The following VASP variants were observed in gnomAD, a reference collection of about 807,000 sequenced individuals.
The protein encoded by VASP is vasodilator-stimulated phosphoprotein.
VASP carries 27 observed loss-of-function variants against 54.4 expected under a neutral mutation model. The ratio of observed to expected loss-of-function variants is 0.50; its 90% CI spans 0.37 to 0.68. The LOEUF (loss-of-function observed/expected upper bound fraction) is 0.68, where lower values mean the gene tolerates loss of function less well. Ranked by LOEUF, VASP falls within the 30% of genes least tolerant of loss-of-function variation. VASP has a pLI of 0.00. For missense variants in VASP, 488 were observed against 528.3 expected, an observed-to-expected ratio of 0.92 and a Z score of 0.75; for synonymous variants, 233 against 209.8, an observed-to-expected ratio of 1.11 and a Z score of -0.96.
At chr19:45,522,291 G>C in intron 5 of VASP, 49 bp from the exon 6 acceptor site, 1 of 1,613,968 alleles carries the variant, frequency 6.2e-7, no homozygotes, top group Non-Finnish European at 8.5e-7. Flanking sequence ...GGACAGTGAA[G>C]AATGAGGCTT....
Position 45,517,972 on chromosome 19 carries a change from A to G in VASP, c.221A>G (p.Gln74Arg). The G allele has an allele frequency of 6.2e-7, 1 of 1,610,470 alleles. No homozygotes were observed. ...CAIVRGVKYN[Q>R]ATPNFHQWRD... Reference sequence around the variant, plus strand: ...ATCGTCCGGGGTGTCAAGTATAACCAGGCCACCCCCAACTTCCATCAGTGG... The same window carrying G: ...ATCGTCCGGGGTGTCAAGTATAACCGGGCCACCCCCAACTTCCATCAGTGG... The change falls in exon 3 of 13, where the codon CAG (glutamine) becomes CGG (arginine). Residue 74 changes from glutamine (Q) to arginine (R), a missense_variant. Transcript: ENST00000245932.
At chr19:45,516,836 T>C (rs968510894) in intron 1 of VASP, among the ~76,000 whole-genome samples, 1 of 151,586 alleles carries the variant, frequency 6.6e-6, no homozygotes, top group Non-Finnish European at 1.5e-5. Context: ...TCGTCTCTAC[T>C]AAAAATACAA....
At chr19:45,510,509 A>G (rs1411896017) in intron 1 of VASP, among the ~76,000 whole-genome samples, 3 of 152,254 alleles carry the variant, frequency 2.0e-5, no homozygotes, top group Admixed American at 2.0e-4. Context: ...TACAGACGTC[A>G]GCCACCACAC....
intron 1 of VASP, among the ~76,000 whole-genome samples, chr19:45,510,128 A>G (rs550717549): frequency 1.9e-3 from 282 of 152,142 alleles, no homozygotes; most frequent in African/African-American, 6.3e-3. Context: ...AATAATAGCT[A>G]TTTTTATTTT....
At chr19:45,519,460 A>AT (rs1257458286) in intron 3 of VASP, among the ~76,000 whole-genome samples, 16,751 of 140,620 alleles carry the variant, frequency 0.12, 1,015 homozygotes, top group African/African-American at 0.16. Flanking sequence ...ATCATTTCAA[A>AT]TTTTTTTTTT....
In VASP at chr19:45,507,757, G is replaced by T. The variant is rs937600964; in HGVS notation, c.-15G>T. ...CAGCCAGCCCGTGGGCGAGCCGCCC[G>T]CCCGCCGAGCAGCCATGAGGTGAGC... On this transcript the variant is annotated 5_prime_UTR_variant, in exon 1 of 13. Coordinates refer to ENST00000245932, the MANE Select transcript of VASP (RefSeq NM_003370.4). The surrounding 1 kb of genome is among the most constrained non-coding windows in gnomAD (Gnocchi z 4.4). The T allele has an allele frequency of 4.0e-6, 6 of 1,510,100 alleles. No individual in the cohort carries two copies. The highest frequency in any genetic ancestry group is 5.3e-6 in the Non-Finnish European group (6 of 1,136,490). 93.5% of individuals were successfully genotyped at this position (1,510,100 alleles called of 1,614,324 possible).
chr19:45,519,379 A>G (rs1212630261), intron 3 of VASP, among the ~76,000 whole-genome samples: 1 of 151,906 alleles, frequency 6.6e-6, no homozygotes, highest in Admixed American at 6.6e-5. Flanking sequence ...CCTGGCCTCA[A>G]GTGATCCACC....
At position 45,522,733 on chromosome 19, in the gene VASP, G is replaced by C. The variant is rs1479082472; in HGVS notation, c.736G>C (p.Gly246Arg). The change falls in exon 7 of 13, where the codon GGG becomes CGG. Residue 246 changes from glycine to arginine, a missense_variant. Coordinates refer to ENST00000245932, the MANE Select transcript of VASP (RefSeq NM_003370.4). ...RKVSKQEEASGGPTAPKAESG... is the reference protein window; with the variant it reads ...RKVSKQEEASRGPTAPKAESG... ...ATTTCTCCAGCAGGAGGAGGCCTCA[G>C]GGGGGCCCACAGCCCCCAAAGCTGA... The C allele has an allele frequency of 1.2e-6, 2 of 1,604,146 alleles. No individual in the cohort carries two copies. Among genetic ancestry groups the C allele is most frequent in the South Asian group, 2.2e-5 (2 of 89,894 alleles).
At position 45,526,214 on chromosome 19, in the gene VASP, A is replaced by C; in HGVS notation, c.*37A>C. 1 of 1,587,224 alleles carries C rather than the reference A, an allele frequency of 6.3e-7. No individual in the cohort carries two copies. Among genetic ancestry groups the C allele is most frequent in the Non-Finnish European group, 8.5e-7 (1 of 1,171,810 alleles). ...CAGAAGACCCGCTTCTCCTTTCCGC[A>C]CACCCGGCCTGTCACCCTGCTTTCC... On this transcript the variant is annotated 3_prime_UTR_variant, in exon 13 of 13. Transcript: ENST00000245932.
intron 1 of VASP, among the ~76,000 whole-genome samples, chr19:45,513,653 G>T (rs145465413): frequency 4.5e-4 from 68 of 151,742 alleles, no homozygotes; most frequent in Non-Finnish European, 8.0e-4. Flanking sequence ...TTTTTAGTAG[G>T]CATAGGGTTT....
chr19:45,510,192 T>G (rs1968572442), intron 1 of VASP, among the ~76,000 whole-genome samples: 1 of 151,736 alleles, frequency 6.6e-6, no homozygotes, highest in African/African-American at 2.4e-5. Context: ...GGCATTTTTG[T>G]GCCTGACAGC....
intron 11 of VASP, chr19:45,525,150 T>G (rs1323019574): frequency 6.3e-6 from 1 of 159,356 alleles, no homozygotes; most frequent in Non-Finnish European, 1.4e-5. Flanking sequence ...GCACGGTGGC[T>G]CATGTGTGTA....
chr19:45,512,328 G>A (rs970419758), intron 1 of VASP, among the ~76,000 whole-genome samples: 2 of 145,432 alleles, frequency 1.4e-5, no homozygotes, highest in African/African-American at 2.6e-5. Context: ...TTGCTCTGTC[G>A]CCCAGGCTGG....
chr19:45,522,633 G>A (rs2122335593), intron 6 of VASP, 52 bp downstream of exon 6: 3 of 1,535,608 alleles, frequency 2.0e-6, no homozygotes, highest in South Asian at 1.2e-5. Flanking sequence ...TATGGGGGAT[G>A]AGGCCAGGGC....
intron 1 of VASP, among the ~76,000 whole-genome samples, chr19:45,514,123 C>G (rs961384844): frequency 6.6e-6 from 1 of 152,042 alleles, no homozygotes; most frequent in Non-Finnish European, 1.5e-5. Flanking sequence ...AAGGAGAGAC[C>G]TGAAAGTGGG....
chr19:45,521,316 T>C lies in VASP; in HGVS notation c.344-6T>C. 1 of 1,570,866 alleles carries C rather than the reference T, an allele frequency of 6.4e-7. No homozygotes were observed. The highest frequency in any genetic ancestry group is 8.6e-7 in the Non-Finnish European group (1 of 1,157,842). ...GATCCATGGCCCTTTCTCTCTCACC[T>C]TTCAGGAGGTGGGCCCCCTCCACCC... On this transcript the variant is annotated splice_polypyrimidine_tract_variant and splice_region_variant and intron_variant, in intron 3 of 12. Coordinates refer to ENST00000245932, the MANE Select transcript of VASP (RefSeq NM_003370.4).
intron 4 of VASP, among the ~76,000 whole-genome samples, chr19:45,521,716 C>T (rs1023165019): frequency 1.9e-4 from 29 of 152,150 alleles, no homozygotes; most frequent in Middle Eastern, 3.4e-3. Flanking sequence ...TGGCGAAATC[C>T]CGTCTCTACT....
At chr19:45,522,046 G>T (rs1268439326) in intron 4 of VASP, 122 bp from the exon 5 acceptor site, 11 of 1,315,418 alleles carry the variant, frequency 8.4e-6, no homozygotes, top group South Asian at 2.6e-5. Context: ...AGGAAGGCTT[G>T]GGTGAGTATT....
rs568404163 is a variant in VASP, at chr19:45,510,826, T to C, written c.5+3050T>C. On this transcript the variant is annotated intron_variant, in intron 1 of 12. Coordinates refer to ENST00000245932, the MANE Select transcript of VASP (RefSeq NM_003370.4). Reference sequence around the variant, plus strand: ...CATGCGCCTGTAGTTCCAGCTACTCTGGAGGCTGAGGCGAGAGGATCGTTT... The same window carrying C: ...CATGCGCCTGTAGTTCCAGCTACTCCGGAGGCTGAGGCGAGAGGATCGTTT... 2.9e-4 allele frequency among the ~76,000 whole-genome samples: 44 copies of C among 151,412 alleles called. 1 individual carries two copies. The East Asian group carries it at 8.6e-3, about 29-fold the overall frequency.
Sources: allele counts gnomAD v4.1 joint callset (sites outside exome capture counted in the v4.1 genomes callset), GRCh38; gene constraint gnomAD v4.1.1; non-coding constraint Gnocchi (gnomAD v3.1); transcripts MANE v1.5; gene names NCBI Gene and HGNC (gene_info 2026-07-23, HGNC 2026-07-21).